ABCC6: variants seen among roughly 807,000 people sequenced by gnomAD.
ABCC6 encodes the protein ATP-binding cassette sub-family C member 6.
ABCC6 carries 126 observed loss-of-function variants against 169.5 expected under a neutral mutation model. The ratio of observed to expected loss-of-function variants is 0.74; its 90% CI spans 0.64 to 0.86. The LOEUF (loss-of-function observed/expected upper bound fraction) is 0.86, where lower values mean the gene tolerates loss of function less well. Among genes scored for constraint, ABCC6 ranks in the 40% least tolerant of loss-of-function variants. ABCC6 has a pLI of 0.00. For missense variants in ABCC6, 1,733 were observed against 1,927.2 expected, an observed-to-expected ratio of 0.90 and a Z score of 1.89; for synonymous variants, 752 against 814.7, an observed-to-expected ratio of 0.92 and a Z score of 1.31.
At chr16:16,221,950 C>G (rs1315013348) in intron 1 of ABCC6, 119 bp from the exon 2 acceptor site, 11 of 1,530,378 alleles carry the variant, frequency 7.2e-6, no homozygotes, top group East Asian at 6.9e-5. Flanking sequence ...GTACCAAGTA[C>G]TCTTTGGAAT....
At chr16:16,151,468 G>A (rs760588787) in intron 29 of ABCC6, among the ~76,000 whole-genome samples, 12 of 152,138 alleles carry the variant, frequency 7.9e-5, no homozygotes, top group African/African-American at 1.4e-4. Context: ...CAGTCATGCC[G>A]TTGCAAACAA....
chr16:16,150,441 CG>C (rs1461436626), intron 30 of ABCC6, 136 bp downstream of exon 30: 3 of 1,496,514 alleles, frequency 2.0e-6, no homozygotes, highest in Non-Finnish European at 2.7e-6. Flanking sequence ...CATGTGTTCC[CG>C]GGCATTCCTC....
chr16:16,178,868 G>A lies in ABCC6; in HGVS notation c.2345C>T (p.Ala782Val). Residue 782 changes from alanine (A) to valine (V), a missense_variant, in exon 18 of 31, where the codon GCC (alanine) becomes GTC (valine). Around this residue, in one of 5 missense-constraint regions of ABCC6, gnomAD observed 1,601 missense variants for 1,635.5 expected, o/e 0.98. Transcript: ENST00000205557. ...AVYLLDDPLAALDAHVGQHVF... is the reference protein window; with the variant it reads ...AVYLLDDPLAVLDAHVGQHVF... ...ATGCTGGCCAACGTGGGCATCCAGGGCCGCCAGGGGGTCATCCAGCAGGTA... is the reference window on the plus strand; with the variant it reads ...ATGCTGGCCAACGTGGGCATCCAGGACCGCCAGGGGGTCATCCAGCAGGTA... 1 of 1,613,728 alleles carries A rather than the reference G, an allele frequency of 6.2e-7. No homozygotes were observed. Among genetic ancestry groups the A allele is most frequent in the Non-Finnish European group, 8.5e-7 (1 of 1,180,002 alleles).
chr16:16,217,265 C>G (rs2048910889), intron 4 of ABCC6, among the ~76,000 whole-genome samples: 1 of 152,022 alleles, frequency 6.6e-6, no homozygotes, highest in African/African-American at 2.4e-5. Flanking sequence ...CCCTAAACTC[C>G]CACTGTTTTC....
intron 9 of ABCC6, among the ~76,000 whole-genome samples, chr16:16,200,032 CACT>C (rs895976536): frequency 6.6e-6 from 1 of 151,880 alleles, no homozygotes; most frequent in Non-Finnish European, 1.5e-5. Flanking sequence ...TGCACCGCTG[CACT>C]ACAGCCTGGG....
At chr16:16,167,601 C>T (rs1468277783) in intron 22 of ABCC6, among the ~76,000 whole-genome samples, 1 of 152,142 alleles carries the variant, frequency 6.6e-6, no homozygotes, top group African/African-American at 2.4e-5. Flanking sequence ...TCCCAAGTAG[C>T]TGGGATTACA....
In ABCC6 at chr16:16,149,906, A is replaced by G. The variant is rs1596577921; in HGVS notation, c.*227T>C. 3 of 638,720 alleles carry G rather than the reference A, an allele frequency of 4.7e-6. No individual in the cohort carries two copies. The highest frequency in any genetic ancestry group is 2.4e-5 in the Admixed American group (1 of 41,974). 39.6% of individuals were successfully genotyped at this position (638,720 alleles called of 1,614,324 possible). A position where few individuals can be genotyped will look rare whatever the true frequency, so the allele number is the denominator to read the frequency against. On this transcript the variant is annotated 3_prime_UTR_variant, in exon 31 of 31. Coordinates refer to ENST00000205557, the MANE Select transcript of ABCC6 (RefSeq NM_001171.6). ...GCTGTTGACATTGGCTGCAGGGTGG[A>G]CAGGGCGAGATGGGCCCTGCCCGGG...
At chr16:16,216,638 C>A (rs374825595) in intron 4 of ABCC6, among the ~76,000 whole-genome samples, 5,298 of 150,574 alleles carry the variant, frequency 0.035, 110 homozygotes, top group African/African-American at 0.046. Flanking sequence ...CTGTAATAAT[C>A]ATGGGAGTGC....
In ABCC6 at chr16:16,181,767, TACTAAAA is replaced by T. The variant is rs562635777; in HGVS notation, c.2247+638_2247+644del. On this transcript the variant is annotated intron_variant, in intron 17 of 30. Coordinates refer to ENST00000205557, the MANE Select transcript of ABCC6 (RefSeq NM_001171.6). ...GGCCAACATGGTGAAACCCTGTCTC[TACTAAAA>T]ATATAAAAATTAGCCAGGTATGGTG... The T allele has an allele frequency of 6.7e-3, 1,043 of 155,612 alleles. 12 individuals carry two copies. The highest frequency in any genetic ancestry group is 0.024 in the African/African-American group (1,001 of 41,560). The allele number at this position is 155,612 out of a possible 1,614,324, so 9.6% of individuals were successfully genotyped here.
At chr16:16,220,962 G>C (rs564123326) in intron 2 of ABCC6, among the ~76,000 whole-genome samples, 5 of 151,658 alleles carry the variant, frequency 3.3e-5, no homozygotes, top group African/African-American at 1.2e-4. Flanking sequence ...TGACTATTGC[G>C]TTCATTCTGG....
chr16:16,163,697 G>A (rs1460946125), intron 23 of ABCC6, among the ~76,000 whole-genome samples: 2 of 152,126 alleles, frequency 1.3e-5, no homozygotes, highest in Non-Finnish European at 2.9e-5. Context: ...GAAAATATTC[G>A]TTATTTGGTT....
chr16:16,168,302 G>GGCTCATGCCTGTGATTC (rs1232942589), intron 22 of ABCC6, among the ~76,000 whole-genome samples: 2 of 152,032 alleles, frequency 1.3e-5, no homozygotes, highest in East Asian at 1.9e-4. Flanking sequence ...ACCAGCCTGG[G>GGCTCATGCCTGTGATTC]CAACACGGCG....
At chr16:16,158,830 T>C (rs2046628383) in intron 26 of ABCC6, among the ~76,000 whole-genome samples, 1 of 152,104 alleles carries the variant, frequency 6.6e-6, no homozygotes, top group African/African-American at 2.4e-5. Flanking sequence ...TGTTACATTG[T>C]TATGTTGCTA....
chr16:16,162,886 G>A, intron 24 of ABCC6, 107 bp downstream of exon 24: 1 of 1,412,494 alleles, frequency 7.1e-7, no homozygotes, highest in Non-Finnish European at 1.0e-6. Context: ...CCTCAACTAT[G>A]TCCCTGACTC....
chr16:16,215,478 CT>C (rs751394105), intron 4 of ABCC6, among the ~76,000 whole-genome samples: 8,991 of 114,680 alleles, frequency 0.078, 461 homozygotes, highest in African/African-American at 0.17. Flanking sequence ...TGTGTGTATA[CT>C]TTTTTTTTTT....
At chr16:16,213,696 G>A (rs1188769877) in intron 5 of ABCC6, among the ~76,000 whole-genome samples, 1 of 149,650 alleles carries the variant, frequency 6.7e-6, no homozygotes, top group African/African-American at 2.5e-5. Flanking sequence ...GAGTAGCTGG[G>A]ATTACAGGCG....
intron 13 of ABCC6, 42 bp downstream of exon 13, chr16:16,188,788 AC>A: frequency 6.3e-7 from 1 of 1,596,940 alleles, no homozygotes; most frequent in Admixed American, 1.8e-5. Flanking sequence ...GGTGTAGCCC[AC>A]GCACTCTCCC....
rs940803158 is a variant in ABCC6, at chr16:16,221,738, G to C, written c.130C>G (p.Leu44Val). ...AGGTAGATGGGACCAAGGACCCAGAGGTACATGGGGGGTACCCAGACCCCT... is the reference window on the plus strand; with the variant it reads ...AGGTAGATGGGACCAAGGACCCAGACGTACATGGGGGGTACCCAGACCCCT... ...TAGVWVPPMY[L>V]WVLGPIYLLF... The change falls in exon 2 of 31, where the codon CTC becomes GTC. Residue 44 changes from leucine to valine, a missense_variant. By Grantham distance (32) the Leu-to-Val change is conservative. Transcript: ENST00000205557. 6 of 1,613,632 alleles carry C rather than the reference G, an allele frequency of 3.7e-6. No individual in the cohort carries two copies. The highest frequency in any genetic ancestry group is 1.7e-5 in the Admixed American group (1 of 59,956).
intron 9 of ABCC6, among the ~76,000 whole-genome samples, chr16:16,199,007 G>GA (rs2048151835): frequency 9.5e-6 from 1 of 105,542 alleles, no homozygotes; most frequent in Non-Finnish European, 2.2e-5. Flanking sequence ...GGGGAAAAAA[G>GA]AAAAAATTAG....
Sources: allele counts gnomAD v4.1 joint callset (sites outside exome capture counted in the v4.1 genomes callset), GRCh38; gene constraint gnomAD v4.1.1; regional missense constraint gnomAD v4.1.1; transcripts MANE v1.5; gene names NCBI Gene and HGNC (gene_info 2026-07-23, HGNC 2026-07-21).